Variants in TMEM163 observed in about 807,000 individuals in gnomAD.
TMEM163 encodes the protein transmembrane protein 163.
In TMEM163, 17 loss-of-function variants were observed where a neutral mutation model predicts 29.3. The observed-to-expected ratio is 0.58, with a 90% CI of 0.40 to 0.87. The LOEUF is 0.87. Among genes scored for constraint, TMEM163 ranks in the 40% least tolerant of loss-of-function variants. The pLI, the probability that TMEM163 is intolerant of heterozygous loss-of-function variation, is 0.00. For synonymous variants in TMEM163, 157 were observed against 160.6 expected (o/e 0.98, Z 0.17); for missense variants, 303 against 381.5 (o/e 0.79, Z 1.71).
chr2:134,549,073 G>T, intron 4 of TMEM163, among the ~76,000 whole-genome samples: 1 of 147,858 alleles, frequency 6.8e-6, no homozygotes, highest in African/African-American at 2.5e-5. Context: ...GATATCATCT[G>T]TAACATCACA....
At chr2:134,550,833 GGAGCTCAGACA>G (rs1464625263) in intron 3 of TMEM163, among the ~76,000 whole-genome samples, 172 bp from the exon 4 acceptor site, 1 of 152,346 alleles carries the variant, frequency 6.6e-6, no homozygotes, top group African/African-American at 2.4e-5. Flanking sequence ...TGGGGCGTCT[GGAGCTCAGACA>G]CCCAGTGTGC....
chr2:134,458,256 A>T, intron 6 of TMEM163, 83 bp from the exon 7 acceptor site: 1 of 1,539,478 alleles, frequency 6.5e-7, no homozygotes, highest in Non-Finnish European at 8.9e-7. Flanking sequence ...GCCTCCACGT[A>T]ACTGGAGCAT....
chr2:134,471,938 G>A (rs899330290), intron 5 of TMEM163, among the ~76,000 whole-genome samples: 1 of 152,214 alleles, frequency 6.6e-6, no homozygotes, highest in Non-Finnish European at 1.5e-5. Flanking sequence ...AGTGGACTCC[G>A]TGAAAACAGC....
intron 4 of TMEM163, among the ~76,000 whole-genome samples, chr2:134,543,886 T>C (rs577162548): frequency 6.6e-6 from 1 of 152,300 alleles, no homozygotes; most frequent in Non-Finnish European, 1.5e-5. Context: ...CCCATCCCAA[T>C]GTGCTGCTGA....
At chr2:134,633,040 G>A (rs535419166) in intron 2 of TMEM163, among the ~76,000 whole-genome samples, 1 of 151,844 alleles carries the variant, frequency 6.6e-6, no homozygotes, top group East Asian at 1.9e-4. Flanking sequence ...TTACAGGCGT[G>A]AGCCACTGCA....
intron 1 of TMEM163, 100 bp downstream of exon 1, chr2:134,718,634 T>A: frequency 1.1e-6 from 1 of 933,860 alleles, no homozygotes; most frequent in Non-Finnish European, 1.3e-6. Flanking sequence ...CCCCGCGCGC[T>A]CCGAGCCCCG....
intron 1 of TMEM163, among the ~76,000 whole-genome samples, chr2:134,717,308 G>T (rs1027353567): frequency 1.3e-5 from 2 of 152,194 alleles, no homozygotes; most frequent in Non-Finnish European, 2.9e-5. Context: ...TATAATAAAA[G>T]TGAGAGGTTT....
chr2:134,671,274 A>G, intron 2 of TMEM163, among the ~76,000 whole-genome samples: 1 of 152,188 alleles, frequency 6.6e-6, no homozygotes, highest in Non-Finnish European at 1.5e-5. Context: ...GCAGGCCCTG[A>G]GATTCTAAGC....
chr2:134,604,578 G>A (rs1460311880), intron 2 of TMEM163, among the ~76,000 whole-genome samples: 2 of 151,774 alleles, frequency 1.3e-5, no homozygotes. Flanking sequence ...AGAGGGGTGG[G>A]ACTGGGATGG....
intron 4 of TMEM163, among the ~76,000 whole-genome samples, chr2:134,545,055 G>A (rs573825243): frequency 6.6e-6 from 1 of 152,216 alleles, no homozygotes; most frequent in South Asian, 2.1e-4. Context: ...AAGTGTGTGT[G>A]GATGCAAACC....
intron 5 of TMEM163, among the ~76,000 whole-genome samples, chr2:134,486,639 G>A (rs1036338536): frequency 2.0e-5 from 3 of 152,110 alleles, no homozygotes; most frequent in Admixed American, 1.3e-4. Flanking sequence ...TAACAGGCCC[G>A]GTTTTACAGA....
At chr2:134,515,271 C>T (rs1409655730) in intron 4 of TMEM163, among the ~76,000 whole-genome samples, 1 of 152,144 alleles carries the variant, frequency 6.6e-6, no homozygotes, top group Non-Finnish European at 1.5e-5. Context: ...TGGAAGCCCC[C>T]CGTGGTCTCT....
At chr2:134,676,737 T>C (rs536962054) in intron 2 of TMEM163, among the ~76,000 whole-genome samples, 1 of 152,294 alleles carries the variant, frequency 6.6e-6, no homozygotes, top group South Asian at 2.1e-4. Flanking sequence ...ATTTACCTAT[T>C]CTGGATATTT....
intron 2 of TMEM163, among the ~76,000 whole-genome samples, chr2:134,593,795 C>G (rs1375453519): frequency 6.6e-6 from 1 of 150,802 alleles, no homozygotes; most frequent in Non-Finnish European, 1.5e-5. Context: ...AAGACTACGA[C>G]ACTGACTCTG....
intron 2 of TMEM163, among the ~76,000 whole-genome samples, chr2:134,628,291 A>G (rs946069624): frequency 1.3e-5 from 2 of 152,266 alleles, no homozygotes; most frequent in African/African-American, 4.8e-5. Context: ...TGTGCAGGAT[A>G]GGTTACTTCA....
chr2:134,692,398 A>G (rs1366784217), intron 2 of TMEM163, among the ~76,000 whole-genome samples: 3 of 152,192 alleles, frequency 2.0e-5, no homozygotes, highest in Admixed American at 6.5e-5. Flanking sequence ...CTAGTTCCTT[A>G]TCATCTTCCT....
At chr2:134,511,178 T>A (rs1679941108) in intron 4 of TMEM163, among the ~76,000 whole-genome samples, 1 of 149,646 alleles carries the variant, frequency 6.7e-6, no homozygotes, top group African/African-American at 2.5e-5. Flanking sequence ...TTACTTTATA[T>A]CCAGTACTCA....
chr2:134,460,489 A>C lies in TMEM163; in HGVS notation c.668-2316T>G, dbSNP rs1205505914. Among the ~76,000 whole-genome samples the C allele has an allele frequency of 6.6e-6, 1 of 152,130 alleles. No homozygotes were observed. The highest frequency in any genetic ancestry group is 1.9e-4 in the East Asian group (1 of 5,188). ...CAGGAACTTTGTCTCTCCTTGCAGTATTCGAAGTCCCAGGACAGGGCCTGG... is the reference window on the plus strand; with the variant it reads ...CAGGAACTTTGTCTCTCCTTGCAGTCTTCGAAGTCCCAGGACAGGGCCTGG... On this transcript the variant is annotated intron_variant, in intron 6 of 7. Transcript: ENST00000281924. The surrounding 1 kb of genome is among the most constrained non-coding windows in gnomAD (Gnocchi z 4.3).
At chr2:134,681,322 G>C (rs771617119) in intron 2 of TMEM163, among the ~76,000 whole-genome samples, 16 of 152,148 alleles carry the variant, frequency 1.1e-4, no homozygotes, top group East Asian at 3.9e-4. Flanking sequence ...TGCCGGGAAG[G>C]CTGGCTATGC....
Sources: gnomAD v4.1 joint callset for allele counts (sites outside exome capture counted in the v4.1 genomes callset) on GRCh38, gnomAD v4.1.1 for gene constraint, Gnocchi (gnomAD v3.1) non-coding constraint, MANE v1.5 for transcripts, NCBI Gene and HGNC (gene_info 2026-07-23, HGNC 2026-07-21) for gene names.